FNDC3B: variants seen among roughly 807,000 people sequenced by gnomAD.
The protein encoded by FNDC3B is fibronectin type III domain containing 3B.
FNDC3B carries 12 observed loss-of-function variants against 151.5 expected under a neutral mutation model. That is an observed-to-expected ratio of 0.08 (90% CI 0.05 to 0.13). The LOEUF is 0.13. FNDC3B is among the 10% of genes least tolerant of loss of function. The pLI is 1.00. For missense variants in FNDC3B, 1,214 were observed against 1,505.3 expected (o/e 0.81, Z 3.20); for synonymous variants, 528 against 549.0 (o/e 0.96, Z 0.54).
intron 23 of FNDC3B, among the ~76,000 whole-genome samples, chr3:172,364,446 A>G (rs1019031562): frequency 7.9e-5 from 12 of 152,234 alleles, no homozygotes; most frequent in Non-Finnish European, 1.3e-4. Context: ...GAGTTGGGAT[A>G]AAGGCCAGTG....
chr3:172,297,318 A>G (rs187769034), intron 8 of FNDC3B, among the ~76,000 whole-genome samples: 25 of 152,306 alleles, frequency 1.6e-4, no homozygotes, highest in Admixed American at 4.6e-4. Context: ...TTTTATTTGG[A>G]ATAGTTTCAA....
intron 21 of FNDC3B, among the ~76,000 whole-genome samples, chr3:172,350,424 T>C (rs1413900609): frequency 6.6e-6 from 1 of 152,226 alleles, no homozygotes; most frequent in African/African-American, 2.4e-5. Flanking sequence ...ATAGAAACAT[T>C]GGGCTCCATG....
At chr3:172,155,756 G>A (rs1270890350) in intron 3 of FNDC3B, among the ~76,000 whole-genome samples, 1 of 152,224 alleles carries the variant, frequency 6.6e-6, no homozygotes, top group Non-Finnish European at 1.5e-5. Context: ...TCCATTTTCA[G>A]TAAAGTCACT....
chr3:172,078,516 C>CAGGGGACCAT (rs56778030), intron 1 of FNDC3B, among the ~76,000 whole-genome samples: 3 of 151,458 alleles, frequency 2.0e-5, no homozygotes, highest in African/African-American at 7.3e-5. Flanking sequence ...GTAGAGGAGC[C>CAGGGGACCAT]AGGCCTGTGA....
intron 21 of FNDC3B, among the ~76,000 whole-genome samples, chr3:172,348,376 A>AT (rs1247641208): frequency 6.6e-6 from 1 of 152,228 alleles, no homozygotes; most frequent in East Asian, 1.9e-4. Context: ...AACATTTCTG[A>AT]TTAAACTCTT....
chr3:172,072,906 T>TA (rs1434739409), intron 1 of FNDC3B, among the ~76,000 whole-genome samples: 1 of 152,198 alleles, frequency 6.6e-6, no homozygotes, highest in African/African-American at 2.4e-5. Flanking sequence ...TGCTTTCATC[T>TA]AAGCCTTTAT....
Position 172,329,017 on chromosome 3 carries a change from G to T in FNDC3B, c.1320G>T (p.Lys440Asn). ...FGSQKHCKLT[K>N]LCPAMGYTFR... ...GCCAGAAGCACTGCAAGTTGACAAA[G>T]CTTTGTCCGGCAATGGGGTACACAT... is the stretch of plus-strand genomic sequence containing the variant. Residue 440 changes from lysine to asparagine, a missense_variant, in exon 12 of 26, where the codon AAG becomes AAT. Lys to Asn is a moderately conservative substitution (Grantham distance 94). This residue lies in a region of FNDC3B where 156 missense variants were observed against 225.3 expected (regional missense o/e 0.69). Coordinates refer to ENST00000415807, the MANE Select transcript of FNDC3B (RefSeq NM_022763.4). 1 of 1,613,646 alleles carries T rather than the reference G, an allele frequency of 6.2e-7. No individual in the cohort carries two copies.
At chr3:172,168,658 T>A (rs1723127571) in intron 3 of FNDC3B, among the ~76,000 whole-genome samples, 4 of 152,110 alleles carry the variant, frequency 2.6e-5, no homozygotes, top group Admixed American at 2.6e-4. Context: ...TCTATGCTTT[T>A]AAAGTTTCTA....
chr3:172,108,206 T>C (rs2108533347), intron 1 of FNDC3B, among the ~76,000 whole-genome samples: 1 of 151,658 alleles, frequency 6.6e-6, no homozygotes, highest in East Asian at 1.9e-4. Context: ...GGGGTGATAA[T>C]AGCTCTGTAT....
intron 1 of FNDC3B, among the ~76,000 whole-genome samples, chr3:172,053,190 A>G (rs1716752848): frequency 6.6e-6 from 1 of 152,224 alleles, no homozygotes; most frequent in Non-Finnish European, 1.5e-5. Flanking sequence ...AGGTGTTTCT[A>G]GTGTCCACCG....
chr3:172,366,287 T>C (rs896237073), intron 23 of FNDC3B, among the ~76,000 whole-genome samples: 3 of 152,232 alleles, frequency 2.0e-5, no homozygotes, highest in Admixed American at 2.0e-4. Flanking sequence ...AGGATACTTA[T>C]ATTTTTATTG....
chr3:172,203,800 T>C (rs1403701015), intron 3 of FNDC3B, among the ~76,000 whole-genome samples: 1 of 152,224 alleles, frequency 6.6e-6, no homozygotes, highest in Non-Finnish European at 1.5e-5. Flanking sequence ...TATTACACAA[T>C]GAAATTGGGG....
At chr3:172,099,069 A>G (rs1719240059) in intron 1 of FNDC3B, among the ~76,000 whole-genome samples, 2 of 152,242 alleles carry the variant, frequency 1.3e-5, no homozygotes, top group South Asian at 4.1e-4. Flanking sequence ...TTGGAGTTCC[A>G]TTTATTTATA....
chr3:172,342,912 G>T, intron 17 of FNDC3B, 99 bp from the exon 18 acceptor site: 1 of 710,522 alleles, frequency 1.4e-6, no homozygotes, highest in Admixed American at 2.1e-5. Flanking sequence ...CCCCTTTTCG[G>T]TAACATTTGC....
chr3:172,201,318 C>T (rs1269836061), intron 3 of FNDC3B, among the ~76,000 whole-genome samples: 1 of 152,170 alleles, frequency 6.6e-6, no homozygotes, highest in Non-Finnish European at 1.5e-5. Flanking sequence ...GCTCTCCAGA[C>T]CCTGGAGTGT....
At chr3:172,043,958 T>G (rs1716230662) in intron 1 of FNDC3B, among the ~76,000 whole-genome samples, 1 of 152,240 alleles carries the variant, frequency 6.6e-6, no homozygotes, top group Non-Finnish European at 1.5e-5. Flanking sequence ...ATCCGTTCAT[T>G]GGACAGTTCT....
intron 4 of FNDC3B, among the ~76,000 whole-genome samples, chr3:172,245,220 A>C (rs763696534): frequency 5.7e-4 from 87 of 152,218 alleles, no homozygotes; most frequent in Non-Finnish European, 8.1e-4. Flanking sequence ...AAATGATCAA[A>C]TAAATTTTTT....
chr3:172,358,560 G>A (rs1734206957), intron 22 of FNDC3B, among the ~76,000 whole-genome samples: 1 of 152,218 alleles, frequency 6.6e-6, no homozygotes, highest in South Asian at 2.1e-4. Context: ...TACTCATGTT[G>A]TAAAGTGAGG....
chr3:172,321,139 G>A (rs1030242494), intron 11 of FNDC3B, among the ~76,000 whole-genome samples: 5 of 152,172 alleles, frequency 3.3e-5, no homozygotes, highest in African/African-American at 1.2e-4. Context: ...GTGGAAAGCT[G>A]GTTACATGAG....
Sources: allele counts gnomAD v4.1 joint callset (sites outside exome capture counted in the v4.1 genomes callset), GRCh38; gene constraint gnomAD v4.1.1; regional missense constraint gnomAD v4.1.1; transcripts MANE v1.5; gene names NCBI Gene and HGNC (gene_info 2026-07-23, HGNC 2026-07-21).